Variants in FNBP1 observed in about 807,000 individuals in gnomAD.
The protein encoded by FNBP1 is formin-binding protein 1.
FNBP1 carries 26 observed loss-of-function variants against 90.6 expected under a neutral mutation model. The ratio of observed to expected loss-of-function variants is 0.29; its 90% CI spans 0.21 to 0.40. The LOEUF is 0.40. Among genes scored for constraint, FNBP1 ranks in the 10% least tolerant of loss-of-function variants. The pLI is 1.00. For synonymous variants in FNBP1, 260 were observed against 265.2 expected (o/e 0.98, Z 0.19); for missense variants, 635 against 768.0 (o/e 0.83, Z 2.05).
At chr9:129,980,163 T>C (rs1250104423) in intron 2 of FNBP1, among the ~76,000 whole-genome samples, 1 of 151,266 alleles carries the variant, frequency 6.6e-6, no homozygotes, top group Non-Finnish European at 1.5e-5. Context: ...AGTTCGAGAC[T>C]GGCCTGACCA....
At chr9:129,965,698 GCGCGCGCGCGCACACACAC>G in intron 4 of FNBP1, among the ~76,000 whole-genome samples, 1 of 66,630 alleles carries the variant, frequency 1.5e-5, no homozygotes, top group East Asian at 4.6e-4. Context: ...ACACACACAC[GCGCGCGCGCGCACACACAC>G]ACACACATAG....
At chr9:129,908,512 G>C (rs2038604522) in intron 12 of FNBP1, among the ~76,000 whole-genome samples, 1 of 147,444 alleles carries the variant, frequency 6.8e-6, no homozygotes, top group Non-Finnish European at 1.5e-5. Flanking sequence ...GCCTGAACTT[G>C]AATTTCTTTT....
chr9:129,925,279 G>A (rs929506253), intron 8 of FNBP1, 122 bp from the exon 9 acceptor site: 1 of 718,884 alleles, frequency 1.4e-6, no homozygotes, highest in South Asian at 1.8e-5. Context: ...GGCAGAGGCG[G>A]GTGGATCACG....
At chr9:129,921,093 TTAACC>T (rs1251790177) in intron 10 of FNBP1, among the ~76,000 whole-genome samples, 1 of 152,190 alleles carries the variant, frequency 6.6e-6, no homozygotes, top group Non-Finnish European at 1.5e-5. Context: ...TTTCTAATTC[TTAACC>T]TGATATGATA....
the FNBP1 span, chr9:130,053,717 C>CT: frequency 3.5e-6 from 2 of 579,072 alleles, no homozygotes; most frequent in Middle Eastern, 9.2e-4. Flanking sequence ...GGCTTCATCT[C>CT]TAACTGAAAG....
Position 129,890,507 on chromosome 9 carries a change from AAGGCTCACCCG to A in FNBP1, c.*21_*31del. Reference sequence around the variant, plus strand: ...ACAAGCAGACGGAGGCTCCTCCAGGAAGGCTCACCCGAGGCTCGCAGGCACTCCCCTCTAGG... The same window carrying A: ...ACAAGCAGACGGAGGCTCCTCCAGGAAGGCTCGCAGGCACTCCCCTCTAGG... On this transcript the variant is annotated 3_prime_UTR_variant, in exon 17 of 17. Coordinates refer to ENST00000446176, the MANE Select transcript of FNBP1 (RefSeq NM_015033.3). This position sits in a 1 kb window ranked among gnomAD's most constrained non-coding sequence, Gnocchi z 5.8. The A allele has an allele frequency of 6.3e-7, 1 of 1,576,708 alleles. No homozygotes were observed. Among genetic ancestry groups the A allele is most frequent in the South Asian group, 1.2e-5 (1 of 85,976 alleles).
At chr9:130,047,559 T>C (rs1435973613), upstream of FNBP1, among the ~76,000 whole-genome samples, 3 of 151,886 alleles carry the variant, frequency 2.0e-5, no homozygotes, top group Non-Finnish European at 4.4e-5. Flanking sequence ...GTTGTGGTGA[T>C]CCAAGATCGC....
chr9:130,036,906 G>T (rs1429938465), intron 1 of FNBP1, among the ~76,000 whole-genome samples: 1 of 152,130 alleles, frequency 6.6e-6, no homozygotes, highest in South Asian at 2.1e-4. Flanking sequence ...TTAGCCGGGC[G>T]CGGTGGCAGG....
intron 4 of FNBP1, among the ~76,000 whole-genome samples, chr9:129,965,311 C>T (rs2048388270): frequency 6.6e-6 from 1 of 152,092 alleles, no homozygotes; most frequent in Non-Finnish European, 1.5e-5. Flanking sequence ...GTAAAAATAC[C>T]TTCTTAATGA....
At chr9:129,979,222 A>G (rs2050807004) in intron 3 of FNBP1, 96 bp downstream of exon 3, 1 of 688,750 alleles carries the variant, frequency 1.5e-6, no homozygotes, top group African/African-American at 1.8e-5. Flanking sequence ...TGAATGGGAA[A>G]TGCAACTTAT....
In FNBP1 at chr9:130,031,959, G is replaced by A. The variant is rs484909; in HGVS notation, c.24+10993C>T. On this transcript the variant is annotated intron_variant, in intron 1 of 16. Coordinates refer to ENST00000446176, the MANE Select transcript of FNBP1 (RefSeq NM_015033.3). The surrounding 1 kb of genome is among the most constrained non-coding windows in gnomAD (Gnocchi z 4.2). ...TTACAGGAGTGAGCCACTGCGCCTGGCCTGATGAAATTTTTACAATTTTGT... is the reference window on the plus strand; with the variant it reads ...TTACAGGAGTGAGCCACTGCGCCTGACCTGATGAAATTTTTACAATTTTGT... Among the ~76,000 whole-genome samples, 2,468 of 152,112 alleles carry A rather than the reference G, an allele frequency of 0.016. 32 individuals are homozygous for A. Among genetic ancestry groups the A allele is most frequent in the South Asian group, 0.037 (180 of 4,812 alleles).
chr9:129,959,714 CTGATT>C lies in FNBP1; in HGVS notation c.346-1166_346-1162del, dbSNP rs1336270729. Among the ~76,000 whole-genome samples the C allele has an allele frequency of 2.0e-5, 3 of 152,152 alleles. 1 individual carries two copies. Among genetic ancestry groups the C allele is most frequent in the Admixed American group, 1.3e-4 (2 of 15,266 alleles). ...CTTTGAGATATGATTCAGATATGAT[CTGATT>C]TACCATTTAAACTAAGCAATTCACA... On this transcript the variant is annotated intron_variant, in intron 4 of 16. Coordinates refer to ENST00000446176, the MANE Select transcript of FNBP1 (RefSeq NM_015033.3).
intron 6 of FNBP1, among the ~76,000 whole-genome samples, chr9:129,941,262 G>A (rs1322624024): frequency 1.2e-4 from 18 of 152,078 alleles, no homozygotes; most frequent in Admixed American, 9.8e-4. Flanking sequence ...GGTGGCCCAC[G>A]CCTGTAATCC....
At chr9:129,910,847 ATGTGTGTG>A (rs56139800) in intron 11 of FNBP1, among the ~76,000 whole-genome samples, 5 of 132,804 alleles carry the variant, frequency 3.8e-5, no homozygotes, top group South Asian at 2.3e-4. Context: ...TGACTCTCTA[ATGTGTGTG>A]TGTGTGTGTG....
intron 6 of FNBP1, among the ~76,000 whole-genome samples, chr9:129,944,502 C>T (rs1300704377): frequency 6.6e-6 from 1 of 151,162 alleles, no homozygotes; most frequent in African/African-American, 2.4e-5. Flanking sequence ...GATCATGCCC[C>T]CGCACTCCAG....
intron 2 of FNBP1, among the ~76,000 whole-genome samples, chr9:129,986,443 T>G (rs2052257915): frequency 6.6e-6 from 1 of 151,852 alleles, no homozygotes; most frequent in African/African-American, 2.4e-5. Flanking sequence ...ATATCAAATT[T>G]AATAGAGGAA....
intron 10 of FNBP1, among the ~76,000 whole-genome samples, chr9:129,917,555 G>A (rs2040451633): frequency 6.6e-6 from 1 of 151,396 alleles, no homozygotes; most frequent in African/African-American, 2.4e-5. Flanking sequence ...GGTTGATATC[G>A]AACTCCTGAG....
intron 10 of FNBP1, among the ~76,000 whole-genome samples, chr9:129,922,877 T>C (rs780270885): frequency 1.8e-4 from 27 of 152,108 alleles, no homozygotes; most frequent in Non-Finnish European, 1.3e-4. Context: ...GCTAGTTTTA[T>C]GTTTTTATTA....
the FNBP1 span, among the ~76,000 whole-genome samples, chr9:130,048,281 A>AC: frequency 1.6e-5 from 2 of 122,476 alleles, no homozygotes; most frequent in African/African-American, 6.1e-5. Flanking sequence ...GCGCCACTTC[A>AC]CTCCAGCCTG....
Sources: gnomAD v4.1 joint callset for allele counts (sites outside exome capture counted in the v4.1 genomes callset) on GRCh38, gnomAD v4.1.1 for gene constraint, Gnocchi (gnomAD v3.1) non-coding constraint, MANE v1.5 for transcripts, NCBI Gene and HGNC (gene_info 2026-07-23, HGNC 2026-07-21) for gene names.